Variants in LINC00237 observed in about 807,000 individuals in gnomAD.
LINC00237 encodes the protein long intergenic non-protein coding RNA 237.
At chr20:21,097,733 A>T (rs1163804613) in intron 1 of LINC00237, among the ~76,000 whole-genome samples, 1 of 152,106 alleles carries the variant, frequency 6.6e-6, no homozygotes. Context: ...CCCCCCAACA[A>T]TTTCCTGTTA....
At position 21,105,627 on chromosome 20, in the gene LINC00237, C is replaced by T. The variant is rs931033416; in HGVS notation, n.88+644G>A. Among the ~76,000 whole-genome samples the T allele has an allele frequency of 3.9e-5, 6 of 152,308 alleles. 1 individual carries two copies. ...GGGAAGGAGTGGCCACGCCTGAGCC[C>T]CCCTAAACGACCTCTTCAGGAGAAA... On this transcript the variant is annotated intron_variant and non_coding_transcript_variant, in intron 1 of 3. Coordinates refer to ENST00000691244, the Ensembl canonical transcript of LINC00237.
At chr20:21,090,422 T>C (rs1368775254) in intron 2 of LINC00237, 2 of 152,222 alleles carry the variant, frequency 1.3e-5, no homozygotes, top group Non-Finnish European at 2.9e-5. Context: ...CTTGAAACTG[T>C]TTATTTCCAA....
intron 2 of LINC00237, chr20:21,092,684 G>T (rs148423467): frequency 6.6e-6 from 1 of 151,994 alleles, no homozygotes; most frequent in African/African-American, 2.4e-5. Flanking sequence ...ATTTCTTCCC[G>T]ATCTTTAGGA....
intron 2 of LINC00237, chr20:21,093,115 C>G (rs1406772470): frequency 2.6e-5 from 4 of 152,146 alleles, no homozygotes; most frequent in African/African-American, 9.7e-5. Context: ...TGTAAAGCAC[C>G]CTTTTCTGCA....
chr20:21,087,095 G>A (rs892094777), intron 3 of LINC00237, among the ~76,000 whole-genome samples: 1 of 149,076 alleles, frequency 6.7e-6, no homozygotes, highest in Admixed American at 6.7e-5. Flanking sequence ...TATATATGTA[G>A]AGAGAGAGAC....
rs2030937608 is a variant in LINC00237 at position 21,101,906 on chromosome 20, G to C, written n.88+4365C>G. Among the ~76,000 whole-genome samples, 1 of 152,196 alleles carries C rather than the reference G, an allele frequency of 6.6e-6. No individual in the cohort carries two copies. The highest frequency in any genetic ancestry group is 2.4e-5 in the African/African-American group (1 of 41,458). On this transcript the variant is annotated intron_variant and non_coding_transcript_variant, in intron 1 of 3. Transcript: ENST00000691244. This position sits in a 1 kb window ranked among gnomAD's most constrained non-coding sequence, Gnocchi z 4.3. ...GGGCGGAGTGCGGCGAGGGGTGAGG[G>C]CGCGACCGCCTTGGGGCAGGGGCGG...
rs1328116587 is a variant in LINC00237, at chr20:21,101,581, C to A, written n.88+4690G>T. ...GCCGCCAGCTCCAGGGGCTCGGGCC[C>A]CAGGTTGGAGTAGCCACGCTAGCGG... is the stretch of plus-strand genomic sequence containing the variant. On this transcript the variant is annotated intron_variant and non_coding_transcript_variant, in intron 1 of 3. Transcript: ENST00000691244. This position sits in a 1 kb window ranked among gnomAD's most constrained non-coding sequence, Gnocchi z 4.3. 2 of 152,410 alleles carry A rather than the reference C, an allele frequency of 1.3e-5. No homozygotes were observed. The highest frequency in any genetic ancestry group is 2.9e-5 in the Non-Finnish European group (2 of 68,200). 9.4% of individuals were successfully genotyped at this position (152,410 alleles called of 1,614,324 possible). A position where few individuals can be genotyped will look rare whatever the true frequency, so the allele number is the denominator to read the frequency against.
At chr20:21,095,944 T>C (rs2030852710) in intron 1 of LINC00237, among the ~76,000 whole-genome samples, 1 of 152,252 alleles carries the variant, frequency 6.6e-6, no homozygotes, top group Non-Finnish European at 1.5e-5. Flanking sequence ...AAGTATGTGC[T>C]ACATCGTTTC....
chr20:21,102,437 C>T (rs2030944260), intron 1 of LINC00237, among the ~76,000 whole-genome samples: 1 of 152,178 alleles, frequency 6.6e-6, no homozygotes, highest in Admixed American at 6.5e-5. Context: ...CACCCTGTCC[C>T]CAAAGTCTCA....
chr20:21,103,368 A>G lies in LINC00237; in HGVS notation n.88+2903T>C, dbSNP rs6035783. 5.4e-3 allele frequency among the ~76,000 whole-genome samples: 827 copies of G among 152,144 alleles called. 7 individuals carry two copies. Among genetic ancestry groups the G allele is most frequent in the African/African-American group, 0.019 (801 of 41,512 alleles). On this transcript the variant is annotated intron_variant and non_coding_transcript_variant, in intron 1 of 3. Coordinates refer to ENST00000691244, the Ensembl canonical transcript of LINC00237. ...CGGTGGCAGGGAACTAGATGGCTGG[A>G]TGCCTTTGCCTGCGGGGTGGCAGGG...
chr20:21,101,586 T>A lies in LINC00237; in HGVS notation n.88+4685A>T, dbSNP rs1396457211. The A allele has an allele frequency of 1.3e-5, 2 of 152,266 alleles. No individual in the cohort carries two copies. The highest frequency in any genetic ancestry group is 4.8e-5 in the African/African-American group (2 of 41,422). 9.4% of individuals were successfully genotyped at this position (152,266 alleles called of 1,614,324 possible). ...CAGCTCCAGGGGCTCGGGCCCCAGG[T>A]TGGAGTAGCCACGCTAGCGGCTAGG... On this transcript the variant is annotated intron_variant and non_coding_transcript_variant, in intron 1 of 3. Coordinates refer to ENST00000691244, the Ensembl canonical transcript of LINC00237. This position sits in a 1 kb window ranked among gnomAD's most constrained non-coding sequence, Gnocchi z 4.3.
chr20:21,095,504 G>T (rs897407894), intron 1 of LINC00237, among the ~76,000 whole-genome samples: 1 of 152,232 alleles, frequency 6.6e-6, no homozygotes, highest in Non-Finnish European at 1.5e-5. Flanking sequence ...GAGTACACAC[G>T]TGATGAGCTG....
chr20:21,097,746 C>T (rs1245635133), intron 1 of LINC00237, among the ~76,000 whole-genome samples: 2 of 152,258 alleles, frequency 1.3e-5, no homozygotes, highest in Admixed American at 6.5e-5. Flanking sequence ...TCCTGTTATG[C>T]TCAACAAACC....
chr20:21,096,635 A>G (rs1379014265), intron 1 of LINC00237, among the ~76,000 whole-genome samples: 1 of 152,168 alleles, frequency 6.6e-6, no homozygotes, highest in East Asian at 1.9e-4. Context: ...GCCTTTCTGC[A>G]CACTATTTTT....
At chr20:21,086,690 C>CTATATATGTATAGTATACTAT (rs1568883498) in intron 3 of LINC00237, among the ~76,000 whole-genome samples, 1 of 4,458 alleles carries the variant, frequency 2.2e-4, no homozygotes, top group Non-Finnish European at 4.6e-4. Flanking sequence ...ACTACATATA[C>CTATATATGTATAGTATACTAT]ATATGTAGTA....
chr20:21,091,113 G>T (rs946983284), intron 2 of LINC00237, among the ~76,000 whole-genome samples: 1 of 151,390 alleles, frequency 6.6e-6, no homozygotes, highest in African/African-American at 2.4e-5. Flanking sequence ...TCTGAGCATC[G>T]ATGCTCCATT....
At chr20:21,086,588 T>C (rs2030698711) in intron 3 of LINC00237, among the ~76,000 whole-genome samples, 2 of 111,746 alleles carry the variant, frequency 1.8e-5, no homozygotes, top group Non-Finnish European at 3.7e-5. Flanking sequence ...GTATATATAG[T>C]ATACACTAGT....
exon 2 of LINC00237, chr20:21,093,835 A>T (rs944961129): frequency 6.6e-6 from 1 of 152,264 alleles, no homozygotes; most frequent in African/African-American, 2.4e-5. Context: ...CAGCACATTC[A>T]TGCTGCCCCA....
intron 1 of LINC00237, among the ~76,000 whole-genome samples, chr20:21,105,217 C>T (rs940583778): frequency 6.6e-6 from 1 of 152,206 alleles, no homozygotes; most frequent in African/African-American, 2.4e-5. Flanking sequence ...GCCGAGCCCT[C>T]TGGAGCCCTG....
Sources: allele counts gnomAD v4.1 joint callset (sites outside exome capture counted in the v4.1 genomes callset), GRCh38; gene constraint gnomAD v4.1.1; non-coding constraint Gnocchi (gnomAD v3.1); transcripts MANE v1.5; gene names NCBI Gene and HGNC (gene_info 2026-07-23, HGNC 2026-07-21).